Variants in ERN1 observed in about 807,000 individuals in gnomAD.
The protein encoded by ERN1 is endoplasmic reticulum to nucleus signaling 1.
A neutral mutation model predicts 113.1 loss-of-function variants in ERN1; 39 were observed. That is an observed-to-expected ratio of 0.34 (90% CI 0.27 to 0.45). The LOEUF is 0.45. Ranked by LOEUF, ERN1 falls within the 20% of genes least tolerant of loss-of-function variation. The pLI is 1.00. For missense variants in ERN1, 976 were observed against 1,274.8 expected, an observed-to-expected ratio of 0.77 and a Z score of 3.57; for synonymous variants, 507 against 515.9, an observed-to-expected ratio of 0.98 and a Z score of 0.23.
Position 64,054,781 on chromosome 17 carries a change from T to C in ERN1, c.1720A>G (p.Lys574Glu). 1 of 1,610,664 alleles carries C rather than the reference T, an allele frequency of 6.2e-7. No individual in the cohort carries two copies. The highest frequency in any genetic ancestry group is 8.5e-7 in the Non-Finnish European group (1 of 1,178,784). Residue 574 changes from lysine (K) to glutamate (E), a missense_variant, in exon 14 of 22, where the codon AAG becomes GAG. Physicochemically the swap from Lys to Glu is moderately conservative, Grantham distance 56. Coordinates refer to ENST00000433197, the MANE Select transcript of ERN1 (RefSeq NM_001433.5). This position sits in a 1 kb window ranked among gnomAD's most constrained non-coding sequence, Gnocchi z 4.9. ...TCAGCTCCATGGCCCAGGACATCCTTGGGACAGAAGGAAATTTTCCCAACT... is the reference window on the plus strand; with the variant it reads ...TCAGCTCCATGGCCCAGGACATCCTCGGGACAGAAGGAAATTTTCCCAACT... Reference protein sequence around the residue: ...VIVGKISFCPKDVLGHGAEGT... With the variant: ...VIVGKISFCPEDVLGHGAEGT...
Position 64,052,761 on chromosome 17 carries a change from G to T in ERN1, c.2253+19C>A. On this transcript the variant is annotated intron_variant, in intron 17 of 21. Coordinates refer to ENST00000433197, the MANE Select transcript of ERN1 (RefSeq NM_001433.5). ...GGGCTGGTTCTGTAGTTTTCAAAGG[G>T]CCATAGCCTATTACTCACAGGGTTC... is the stretch of plus-strand genomic sequence containing the variant. The T allele has an allele frequency of 1.9e-6, 3 of 1,607,214 alleles. No homozygotes were observed. The highest frequency in any genetic ancestry group is 2.6e-6 in the Non-Finnish European group (3 of 1,174,734).
intron 16 of ERN1, 45 bp downstream of exon 16, chr17:64,053,227 T>G (rs768664089): frequency 6.6e-7 from 1 of 1,504,136 alleles, no homozygotes; most frequent in Non-Finnish European, 9.0e-7. Context: ...GGGCCACTGA[T>G]TCTCCCCACC....
chr17:64,063,591 C>A lies in ERN1; in HGVS notation c.1087+395G>T, dbSNP rs992919063. On this transcript the variant is annotated intron_variant, in intron 10 of 21. Transcript: ENST00000433197. This position sits in a 1 kb window ranked among gnomAD's most constrained non-coding sequence, Gnocchi z 5.1. ...CTCCAACCCCTCACCCTCATGCCCA[C>A]GTGGACTCCAAGTTAATTCTTCCAT... Among the ~76,000 whole-genome samples, 1 of 152,126 alleles carries A rather than the reference C, an allele frequency of 6.6e-6. No individual in the cohort carries two copies. Among genetic ancestry groups the A allele is most frequent in the African/African-American group, 2.4e-5 (1 of 41,416 alleles).
intron 1 of ERN1, among the ~76,000 whole-genome samples, chr17:64,120,609 C>T (rs1269978821): frequency 1.3e-5 from 2 of 152,136 alleles, no homozygotes. Context: ...AACAGTGAAA[C>T]ATCATGCTGA....
At chr17:64,100,820 C>T (rs769880763) in intron 1 of ERN1, among the ~76,000 whole-genome samples, 2 of 151,768 alleles carry the variant, frequency 1.3e-5, no homozygotes, top group Non-Finnish European at 2.9e-5. Context: ...GGAAATAAAA[C>T]TTCAGAGAGC....
chr17:64,068,425 T>C (rs1013864692), intron 6 of ERN1, 134 bp from the exon 7 acceptor site: 49 of 648,262 alleles, frequency 7.6e-5, no homozygotes, highest in Non-Finnish European at 1.1e-4. Context: ...TCCATGTCGA[T>C]AGAGAAAGGC....
chr17:64,118,574 A>C (rs796827589), intron 1 of ERN1, among the ~76,000 whole-genome samples: 6 of 152,290 alleles, frequency 3.9e-5, no homozygotes, highest in African/African-American at 1.4e-4. Context: ...CGGGCTCCCA[A>C]TTCTACTGAC....
chr17:64,106,477 A>G (rs773931999), intron 1 of ERN1, among the ~76,000 whole-genome samples: 14 of 152,176 alleles, frequency 9.2e-5, no homozygotes, highest in Non-Finnish European at 2.9e-5. Flanking sequence ...TGCCTATGCC[A>G]AAGCACCTAT....
In ERN1 at chr17:64,079,446, G is replaced by A. The variant is rs1016673609; in HGVS notation, c.282+216C>T. ...CATGAGAACCTGCTGGTCTGCATCCGTGTTTCTGAACTCTGGCACCACATT... is the reference window on the plus strand; with the variant it reads ...CATGAGAACCTGCTGGTCTGCATCCATGTTTCTGAACTCTGGCACCACATT... On this transcript the variant is annotated intron_variant, in intron 4 of 21. Transcript: ENST00000433197. Among the ~76,000 whole-genome samples the A allele has an allele frequency of 2.0e-4, 31 of 152,280 alleles. 1 individual carries two copies. Among genetic ancestry groups the A allele is most frequent in the Admixed American group, 1.3e-4 (2 of 15,300 alleles).
At position 64,063,725 on chromosome 17, in the gene ERN1, G is replaced by A. The variant is rs1184865386; in HGVS notation, c.1087+261C>T. 2.6e-5 allele frequency among the ~76,000 whole-genome samples: 4 copies of A among 152,122 alleles called. No individual in the cohort carries two copies. The highest frequency in any genetic ancestry group is 1.3e-4 in the Admixed American group (2 of 15,272). On this transcript the variant is annotated intron_variant, in intron 10 of 21. Coordinates refer to ENST00000433197, the MANE Select transcript of ERN1 (RefSeq NM_001433.5). This position sits in a 1 kb window ranked among gnomAD's most constrained non-coding sequence, Gnocchi z 5.1. ...AATGCATTCTAAAGGGCTTAATGTC[G>A]GATACTCACACAAGGTTTACATTAA...
At chr17:64,097,310 A>G (rs1425675247) in intron 2 of ERN1, among the ~76,000 whole-genome samples, 1 of 152,224 alleles carries the variant, frequency 6.6e-6, no homozygotes, top group Non-Finnish European at 1.5e-5. Flanking sequence ...TCCATCTAGC[A>G]TACTGTTTTG....
intron 6 of ERN1, 86 bp downstream of exon 6, chr17:64,071,895 G>A: frequency 2.7e-6 from 4 of 1,467,516 alleles, no homozygotes; most frequent in Non-Finnish European, 2.8e-6. Flanking sequence ...AGCAGCTCTG[G>A]CCACCTTCTA....
chr17:64,057,906 G>A lies in ERN1; in HGVS notation c.1294C>T (p.Arg432Trp), dbSNP rs745625442. 62 of 1,612,728 alleles carry A rather than the reference G, an allele frequency of 3.8e-5. 1 individual carries two copies. Among genetic ancestry groups the A allele is most frequent in the East Asian group, 3.3e-4 (15 of 44,832 alleles). The change falls in exon 12 of 22, where the codon CGG (arginine) becomes TGG (tryptophan). Residue 432 changes from arginine to tryptophan, a missense_variant. Coordinates refer to ENST00000433197, the MANE Select transcript of ERN1 (RefSeq NM_001433.5). ...VEEKPAHAPA[R>W]PEAPVDSMLK... is the part of the protein sequence containing the mutation. The stretch of plus-strand genomic sequence containing the variant: ...ATGGAGTCCACGGGGGCCTCGGGCC[G>A]GGCAGGGGCATGGGCGGGCTTCTCC...
At chr17:64,059,300 A>T (rs1327936926) in intron 11 of ERN1, among the ~76,000 whole-genome samples, 1 of 152,184 alleles carries the variant, frequency 6.6e-6, no homozygotes, top group Non-Finnish European at 1.5e-5. Flanking sequence ...ATAAAATCTA[A>T]ATCTCTCAAC....
At chr17:64,061,196 A>G (rs1400097034) in intron 10 of ERN1, among the ~76,000 whole-genome samples, 5 of 152,220 alleles carry the variant, frequency 3.3e-5, no homozygotes, top group Admixed American at 1.3e-4. Flanking sequence ...TTACACATTT[A>G]TTGAGCATCT....
intron 1 of ERN1, among the ~76,000 whole-genome samples, chr17:64,123,059 A>C (rs1567890039): frequency 6.6e-6 from 1 of 152,194 alleles, no homozygotes; most frequent in Non-Finnish European, 1.5e-5. Context: ...AATCCCAGCA[A>C]AAGGTAGTAC....
At chr17:64,089,521 A>C (rs998835843) in intron 2 of ERN1, among the ~76,000 whole-genome samples, 1 of 152,116 alleles carries the variant, frequency 6.6e-6, no homozygotes, top group Admixed American at 6.5e-5. Context: ...CAAATATTCC[A>C]AACCTAAAAA....
chr17:64,123,229 T>A (rs143124037), intron 1 of ERN1, among the ~76,000 whole-genome samples: 5 of 152,246 alleles, frequency 3.3e-5, no homozygotes, highest in African/African-American at 1.2e-4. Context: ...AAGAATCTTA[T>A]CTGTAGGAGG....
intron 4 of ERN1, among the ~76,000 whole-genome samples, chr17:64,078,297 A>C (rs196945): frequency 0.58 from 88,200 of 152,050 alleles, 30,176 homozygotes; most frequent in South Asian, 0.77. Flanking sequence ...ACATCTTTTC[A>C]TATGTTTATG....
Sources: gnomAD v4.1 joint callset for allele counts (sites outside exome capture counted in the v4.1 genomes callset) on GRCh38, gnomAD v4.1.1 for gene constraint, Gnocchi (gnomAD v3.1) non-coding constraint, MANE v1.5 for transcripts, NCBI Gene and HGNC (gene_info 2026-07-23, HGNC 2026-07-21) for gene names.